Variants in PRDM1 observed in about 807,000 individuals in gnomAD.
The protein encoded by PRDM1 is PR domain zinc finger protein 1.
Under a neutral mutation model 62.8 loss-of-function variants are expected in PRDM1, and 13 were observed. The observed-to-expected ratio is 0.21, with a 90% CI of 0.13 to 0.33. PRDM1 has a LOEUF of 0.33. PRDM1 is among the 10% of genes least tolerant of loss of function. The pLI is 1.00. For synonymous variants in PRDM1, 396 were observed against 417.6 expected (o/e 0.95, Z 0.63); for missense variants, 895 against 1,058.8 (o/e 0.85, Z 2.15).
chr6:106,010,470 T>C (rs1713490769), intron 1 of PRDM1, among the ~76,000 whole-genome samples: 1 of 152,164 alleles, frequency 6.6e-6, no homozygotes. Context: ...TAGCCTTGTA[T>C]CAGCCCGTGC....
chr6:106,077,123 T>C (rs954610701), intron 1 of PRDM1, among the ~76,000 whole-genome samples: 1 of 152,240 alleles, frequency 6.6e-6, no homozygotes, highest in African/African-American at 2.4e-5. Flanking sequence ...AACATGTTTT[T>C]TGAAGTCCCA....
In PRDM1 at chr6:106,008,245, C is replaced by T. The variant is rs185869066; in HGVS notation, c.-67+14606C>T. 8.3e-3 allele frequency among the ~76,000 whole-genome samples: 1,260 copies of T among 152,158 alleles called. 8 individuals carry two copies. The highest frequency in any genetic ancestry group is 0.012 in the Non-Finnish European group (810 of 68,016). ...AATATTAGCTGGGCGTGGTGGCGCG[C>T]GCCTGTAGTCCCAGCTACTCTGGAG... On this transcript the variant is annotated intron_variant, in intron 1 of 6. Coordinates refer to the PRDM1 transcript ENST00000652320.
chr6:106,030,041 A>T (rs1772821431), intron 1 of PRDM1, among the ~76,000 whole-genome samples: 1 of 152,174 alleles, frequency 6.6e-6, no homozygotes, highest in East Asian at 1.9e-4. Context: ...CACATTTAGA[A>T]AATTGGTTTA....
chr6:106,005,875 G>A (rs995145815), intron 1 of PRDM1, among the ~76,000 whole-genome samples: 3 of 152,064 alleles, frequency 2.0e-5, no homozygotes, highest in East Asian at 1.9e-4. Flanking sequence ...AAAACTTTAC[G>A]GTTAGATATC....
At chr6:106,089,560 A>C (rs1773905622) in intron 2 of PRDM1, among the ~76,000 whole-genome samples, 1 of 152,208 alleles carries the variant, frequency 6.6e-6, no homozygotes, top group Admixed American at 6.5e-5. Context: ...GCTGTCTAAA[A>C]TTAAATAGAA....
At chr6:106,053,969 G>T (rs532421831) in intron 1 of PRDM1, among the ~76,000 whole-genome samples, 1 of 152,206 alleles carries the variant, frequency 6.6e-6, no homozygotes, top group South Asian at 2.1e-4. Context: ...CTTGTAAAAA[G>T]TCACAGAATA....
upstream of PRDM1, chr6:106,045,952 ATAT>A (rs1273403017): frequency 6.6e-6 from 1 of 152,168 alleles, no homozygotes; most frequent in Non-Finnish European, 1.5e-5. Context: ...CTCATGGGTG[ATAT>A]TATTATAAAA....
At position 106,086,416 on chromosome 6, in the gene PRDM1, C is replaced by T. The variant is rs1172922971; in HGVS notation, c.-138C>T. The T allele has an allele frequency of 1.3e-5, 9 of 701,914 alleles. No homozygotes were observed. Among genetic ancestry groups the T allele is most frequent in the Admixed American group, 1.2e-4 (4 of 33,322 alleles). 43.5% of individuals were successfully genotyped at this position (701,914 alleles called of 1,614,324 possible). ...GAGCAGCGACCGCGGCACCTGTCCG[C>T]CCGGAGCTGGGACGCGGGCGCCCGG... On this transcript the variant is annotated 5_prime_UTR_variant, in exon 1 of 7. Coordinates refer to ENST00000369096, the MANE Select transcript of PRDM1 (RefSeq NM_001198.4).
chr6:106,042,504 G>T (rs375199671), intron 1 of PRDM1, among the ~76,000 whole-genome samples: 7 of 150,804 alleles, frequency 4.6e-5, no homozygotes, highest in East Asian at 2.0e-4. Context: ...TCCAGCCTGG[G>T]CAACAGGAGT....
At chr6:106,038,321 C>A (rs1772950601) in intron 1 of PRDM1, among the ~76,000 whole-genome samples, 1 of 151,952 alleles carries the variant, frequency 6.6e-6, no homozygotes, top group Non-Finnish European at 1.5e-5. Context: ...GTTTTTTATT[C>A]TTGTAGGCTG....
chr6:106,049,439 C>A (rs1773135610), intron 1 of PRDM1, among the ~76,000 whole-genome samples: 1 of 152,230 alleles, frequency 6.6e-6, no homozygotes, highest in East Asian at 1.9e-4. Context: ...AGCCATACTT[C>A]CCACAGTTCT....
At chr6:106,042,518 ACT>A (rs1227767211) in intron 1 of PRDM1, among the ~76,000 whole-genome samples, 2 of 144,618 alleles carry the variant, frequency 1.4e-5, no homozygotes, top group East Asian at 2.0e-4. Flanking sequence ...CAGGAGTGAA[ACT>A]CTGTCTCAAA....
rs75012518 is a variant in PRDM1 at position 106,016,291 on chromosome 6, T to A, written c.-67+22652T>A. On this transcript the variant is annotated intron_variant, in intron 1 of 6. Coordinates refer to the PRDM1 transcript ENST00000652320. ...GAGAAAAATGCTGCTATGAATCTTC[T>A]AGTGCTTTCTTCATATTGTTTTATA... Among the ~76,000 whole-genome samples the A allele has an allele frequency of 1.4e-4, 22 of 152,352 alleles. No individual in the cohort carries two copies. The East Asian group carries it at 4.2e-3, about 29-fold the overall frequency.
At chr6:106,081,106 T>C (rs1274834818) in intron 1 of PRDM1, among the ~76,000 whole-genome samples, 1 of 152,210 alleles carries the variant, frequency 6.6e-6, no homozygotes, top group Admixed American at 6.5e-5. Flanking sequence ...TGTTATTGTC[T>C]TGCCTTTGCC....
chr6:106,006,482 C>T (rs937092578), intron 1 of PRDM1, among the ~76,000 whole-genome samples: 3 of 148,826 alleles, frequency 2.0e-5, no homozygotes, highest in African/African-American at 7.3e-5. Context: ...TTCTCAACAT[C>T]ATTTAACATC....
chr6:106,019,506 A>G (rs529572086), intron 1 of PRDM1, among the ~76,000 whole-genome samples: 1 of 152,006 alleles, frequency 6.6e-6, no homozygotes, highest in Admixed American at 6.5e-5. Context: ...TATGCCAAAA[A>G]GAAGCTAGCT....
chr6:106,029,790 T>G (rs1392725834), intron 1 of PRDM1, among the ~76,000 whole-genome samples: 3 of 151,978 alleles, frequency 2.0e-5, no homozygotes. Context: ...TTTTTTTGTT[T>G]GTATCTTTTG....
At chr6:106,028,464 A>G (rs1181649069) in intron 1 of PRDM1, among the ~76,000 whole-genome samples, 1 of 152,244 alleles carries the variant, frequency 6.6e-6, no homozygotes, top group Admixed American at 6.5e-5. Context: ...ATCCAATAAC[A>G]AGAGTTTGGT....
chr6:106,023,473 CAA>C (rs11300481), intron 1 of PRDM1, among the ~76,000 whole-genome samples: 8 of 149,636 alleles, frequency 5.3e-5, no homozygotes, highest in South Asian at 2.1e-4. Flanking sequence ...GACTCTGTCT[CAA>C]AAAAAAAAAA....
Sources: gnomAD v4.1 joint callset for allele counts (sites outside exome capture counted in the v4.1 genomes callset) on GRCh38, gnomAD v4.1.1 for gene constraint, MANE v1.5 for transcripts, NCBI Gene and HGNC (gene_info 2026-07-23, HGNC 2026-07-21) for gene names.